CHAT: variants seen among roughly 807,000 people sequenced by gnomAD.
The protein encoded by CHAT is choline O-acetyltransferase.
CHAT carries 61 observed loss-of-function variants against 76.9 expected under a neutral mutation model. The ratio of observed to expected loss-of-function variants is 0.79; its 90% CI spans 0.65 to 0.98. The LOEUF is 0.98. Ranked by LOEUF, CHAT falls within the 50% of genes least tolerant of loss-of-function variation. The pLI is 0.00. For synonymous variants in CHAT, 407 were observed against 397.4 expected (o/e 1.02, Z -0.29); for missense variants, 946 against 986.9 (o/e 0.96, Z 0.56).
At chr10:49,610,849 G>C (rs1228001076), upstream of CHAT, 4 of 1,612,058 alleles carry the variant, frequency 2.5e-6, no homozygotes, top group East Asian at 6.7e-5. Flanking sequence ...CCTGGTGCTT[G>C]TTATCGTGTG....
chr10:49,632,168 T>C (rs1168506225), intron 7 of CHAT, among the ~76,000 whole-genome samples: 4 of 152,092 alleles, frequency 2.6e-5, no homozygotes, highest in Non-Finnish European at 4.4e-5. Context: ...AAGTGCCACA[T>C]TGCAGTTGAG....
At chr10:49,618,904 C>T (rs968147082) in intron 2 of CHAT, among the ~76,000 whole-genome samples, 6 of 152,150 alleles carry the variant, frequency 3.9e-5, no homozygotes, top group African/African-American at 1.4e-4. Flanking sequence ...CTCTGTGTTC[C>T]TCTCAGGTAG....
At chr10:49,620,006 A>G in intron 3 of CHAT, 90 bp downstream of exon 3, 1 of 1,332,570 alleles carries the variant, frequency 7.5e-7, no homozygotes, top group South Asian at 1.4e-5. Context: ...GTAGGGGACA[A>G]AGACAGGGCA....
rs1371387178 is a variant in CHAT, at chr10:49,651,890, A to G, written c.1518A>G (p.Val506=). 13 of 1,613,706 alleles carry G rather than the reference A, an allele frequency of 8.1e-6. No homozygotes were observed. The highest frequency in any genetic ancestry group is 1.1e-5 in the Non-Finnish European group (13 of 1,179,754). Residue 506 remains valine, a synonymous_variant, in exon 11 of 15, where the codon GTA becomes GTG. Coordinates refer to ENST00000337653, the MANE Select transcript of CHAT (RefSeq NM_020549.5). The part of the protein sequence containing the change: ...ASSAEKLQRI[V]KNLDFIVYKF... The stretch of plus-strand genomic sequence containing the variant: ...TTTTCTTTTTCTTCCTCAGAATAGT[A>G]AAGAACCTTGACTTCATTGTCTATA...
chr10:49,628,698 G>A (rs1374221552), intron 7 of CHAT, among the ~76,000 whole-genome samples: 2 of 152,260 alleles, frequency 1.3e-5, no homozygotes, highest in African/African-American at 4.8e-5. Flanking sequence ...GCCCTTCCGA[G>A]TGGGATTGTG....
At chr10:49,649,191 C>T (rs1839783651) in intron 9 of CHAT, among the ~76,000 whole-genome samples, 1 of 152,210 alleles carries the variant, frequency 6.6e-6, no homozygotes, top group African/African-American at 2.4e-5. Flanking sequence ...AAGAGAACAA[C>T]ACAGCTTGCT....
chr10:49,652,598 C>G (rs557605819), intron 11 of CHAT, among the ~76,000 whole-genome samples: 3 of 152,228 alleles, frequency 2.0e-5, no homozygotes, highest in Non-Finnish European at 4.4e-5. Context: ...TCCCTAGGGT[C>G]ACTGCTTCCA....
At position 49,655,083 on chromosome 10, in the gene CHAT, C is replaced by T. The variant is rs564223366; in HGVS notation, c.1635-12C>T. 15 of 1,614,062 alleles carry T rather than the reference C, an allele frequency of 9.3e-6. No homozygotes were observed. The highest frequency in any genetic ancestry group is 1.3e-5 in the Non-Finnish European group (15 of 1,179,924). ...AAATTACCATGTGCCATTCATCCTT[C>T]ATCCCACGCAGGCTCCATCGAAGAC... On this transcript the variant is annotated splice_polypyrimidine_tract_variant and intron_variant, in intron 11 of 14. Transcript: ENST00000337653.
chr10:49,655,334 T>C, intron 12 of CHAT, 52 bp from the exon 13 acceptor site: 1 of 1,612,512 alleles, frequency 6.2e-7, no homozygotes, highest in Non-Finnish European at 8.5e-7. Context: ...CCAGATGCTT[T>C]GGCTCCAAGC....
chr10:49,614,079 C>T lies in CHAT; in HGVS notation c.-111C>T. 6.5e-7 allele frequency: 1 copy of T among 1,536,968 alleles called. No homozygotes were observed. Among genetic ancestry groups the T allele is most frequent in the Non-Finnish European group, 8.7e-7 (1 of 1,143,398 alleles). ...CAGGAGGCATGGGCGGGACAGTGTT[C>T]TGTGCCCCCTTCTAGAGCCTAAATT... is the stretch of plus-strand genomic sequence containing the variant. On this transcript the variant is annotated 5_prime_UTR_variant, in exon 1 of 15. Transcript: ENST00000337653.
chr10:49,646,725 G>C, intron 8 of CHAT, 51 bp downstream of exon 8: 1 of 1,596,786 alleles, frequency 6.3e-7, no homozygotes. Flanking sequence ...CCCAGCGAGA[G>C]AGTGAGTAGG....
At chr10:49,613,539 G>T (rs1376026336), upstream of CHAT, among the ~76,000 whole-genome samples, 1 of 152,238 alleles carries the variant, frequency 6.6e-6, no homozygotes, top group Non-Finnish European at 1.5e-5. Context: ...AGGGTCGCCT[G>T]TGTGTTAGCT....
At chr10:49,630,838 TC>T (rs1839093671) in intron 7 of CHAT, among the ~76,000 whole-genome samples, 1 of 152,120 alleles carries the variant, frequency 6.6e-6, no homozygotes, top group African/African-American at 2.4e-5. Context: ...ATGCAGAGGC[TC>T]CCAACTGGTA....
At chr10:49,644,013 G>A (rs1002749727) in intron 7 of CHAT, among the ~76,000 whole-genome samples, 7 of 152,200 alleles carry the variant, frequency 4.6e-5, no homozygotes, top group African/African-American at 1.4e-4. Context: ...GGATTGGGGG[G>A]CACCTCTGGG....
At position 49,620,389 on chromosome 10, in the gene CHAT, G is replaced by C. The variant is rs1022846458; in HGVS notation, c.580-106G>C. 4.9e-6 allele frequency: 4 copies of C among 822,536 alleles called. No individual in the cohort carries two copies. The African/African-American group carries it at 6.7e-5, about 14-fold the overall frequency. 51.0% of individuals were successfully genotyped at this position (822,536 alleles called of 1,614,324 possible). On this transcript the variant is annotated intron_variant, in intron 3 of 14. Coordinates refer to ENST00000337653, the MANE Select transcript of CHAT (RefSeq NM_020549.5). Reference sequence around the variant, plus strand: ...ACCTGGGGCTTAGCATATATTTGTGGAATGAATGAATTAATGCTCTGGTGA... The same window carrying C: ...ACCTGGGGCTTAGCATATATTTGTGCAATGAATGAATTAATGCTCTGGTGA...
rs1840357570 is a variant in CHAT at position 49,667,189 on chromosome 10, A to G, written c.*2143A>G. Among the ~76,000 whole-genome samples, 1 of 152,164 alleles carries G rather than the reference A, an allele frequency of 6.6e-6. No homozygotes were observed. Among genetic ancestry groups the G allele is most frequent in the Non-Finnish European group, 1.5e-5 (1 of 68,030 alleles). On this transcript the variant is annotated 3_prime_UTR_variant, in exon 15 of 15. Coordinates refer to ENST00000337653, the MANE Select transcript of CHAT (RefSeq NM_020549.5). ...AGCAGCAGTAGCTAATGTCTAAAAG[A>G]CACAGGGGCCAGGAGAGAAAAGGGA...
intron 7 of CHAT, among the ~76,000 whole-genome samples, chr10:49,643,177 A>G (rs1204890789): frequency 6.6e-6 from 1 of 152,236 alleles, no homozygotes; most frequent in Non-Finnish European, 1.5e-5. Context: ...ATCAATATGC[A>G]TGTTTAGATT....
chr10:49,613,667 G>A (rs1838364132), upstream of CHAT, among the ~76,000 whole-genome samples: 1 of 152,044 alleles, frequency 6.6e-6, no homozygotes, highest in African/African-American at 2.4e-5. Context: ...TTTCTGTGTG[G>A]GGGTCTCTAT....
intron 13 of CHAT, 119 bp from the exon 14 acceptor site, chr10:49,662,526 G>C: frequency 7.6e-7 from 1 of 1,317,740 alleles, no homozygotes; most frequent in East Asian, 2.3e-5. Flanking sequence ...AGCAGGCACT[G>C]GGTAAGCATG....
Sources: allele counts gnomAD v4.1 joint callset (sites outside exome capture counted in the v4.1 genomes callset), GRCh38; gene constraint gnomAD v4.1.1; transcripts MANE v1.5; gene names NCBI Gene and HGNC (gene_info 2026-07-23, HGNC 2026-07-21).